SLC30A9: variants seen among roughly 807,000 people sequenced by gnomAD.
The protein encoded by SLC30A9 is proton-coupled zinc antiporter SLC30A9, mitochondrial.
A neutral mutation model predicts 87.5 loss-of-function variants in SLC30A9; 58 were observed. The observed-to-expected ratio is 0.66, with a 90% CI of 0.54 to 0.82. The LOEUF is 0.82. Ranked by LOEUF, SLC30A9 falls within the 40% of genes least tolerant of loss-of-function variation. The pLI is 0.00. For synonymous variants in SLC30A9, 234 were observed against 233.0 expected, an observed-to-expected ratio of 1.00 and a Z score of -0.04; for missense variants, 557 against 679.1, an observed-to-expected ratio of 0.82 and a Z score of 2.00.
intron 1 of SLC30A9, among the ~76,000 whole-genome samples, chr4:41,993,505 TA>T (rs1454789833): frequency 3.3e-5 from 5 of 152,124 alleles, no homozygotes; most frequent in Non-Finnish European, 7.4e-5. Context: ...AAGTGGCCAA[TA>T]AAAATGCAAA....
chr4:42,038,289 C>A (rs1716773915), intron 7 of SLC30A9, among the ~76,000 whole-genome samples: 1 of 151,884 alleles, frequency 6.6e-6, no homozygotes, highest in African/African-American at 2.4e-5. Flanking sequence ...CCTTATTTTT[C>A]TTATTATTTC....
intron 9 of SLC30A9, among the ~76,000 whole-genome samples, chr4:42,053,070 T>C (rs569807177): frequency 6.6e-6 from 1 of 152,238 alleles, no homozygotes; most frequent in East Asian, 1.9e-4. Context: ...GGCAGGTACT[T>C]CACAAATAAG....
chr4:42,037,776 A>G (rs922136363), intron 7 of SLC30A9, among the ~76,000 whole-genome samples: 2 of 152,008 alleles, frequency 1.3e-5, no homozygotes, highest in Non-Finnish European at 1.5e-5. Flanking sequence ...TGATTATGGA[A>G]TTTTTTAATA....
At chr4:41,997,653 C>T (rs971212015) in intron 1 of SLC30A9, among the ~76,000 whole-genome samples, 12 of 151,908 alleles carry the variant, frequency 7.9e-5, no homozygotes, top group South Asian at 2.1e-4. Context: ...AGTTACCTGC[C>T]GTAATTTAAT....
At chr4:42,013,200 G>A (rs1361173499) in intron 2 of SLC30A9, among the ~76,000 whole-genome samples, 1 of 152,114 alleles carries the variant, frequency 6.6e-6, no homozygotes, top group East Asian at 1.9e-4. Flanking sequence ...GATCACTTGA[G>A]CCCAGGAGTT....
In SLC30A9 at chr4:42,022,873, G is replaced by T; in HGVS notation, c.470G>T (p.Ser157Ile). The T allele has an allele frequency of 6.2e-7, 1 of 1,601,994 alleles. No individual in the cohort carries two copies. Among genetic ancestry groups the T allele is most frequent in the Non-Finnish European group, 8.5e-7 (1 of 1,172,870 alleles). ...CAACTTCGAAAAATCAGACGACGAA[G>T]TCCCCATGAAGATACTGAGTCTTTT... ...LEQLRKIRRR[S>I]PHEDTESFTV... The change falls in exon 5 of 18, where the codon AGT becomes ATT. Residue 157 changes from serine to isoleucine, a missense_variant. Physicochemically the swap from Ser to Ile is moderately radical, Grantham distance 142. This residue lies in a region of SLC30A9 where 467 missense variants were observed against 529.8 expected (regional missense o/e 0.88). Coordinates refer to ENST00000264451, the MANE Select transcript of SLC30A9 (RefSeq NM_006345.4).
intron 2 of SLC30A9, among the ~76,000 whole-genome samples, chr4:42,011,743 A>T (rs764580354): frequency 1.3e-5 from 2 of 152,220 alleles, no homozygotes; most frequent in Non-Finnish European, 2.9e-5. Context: ...TGTTCTCAAA[A>T]GGTTAAATGA....
Position 42,031,298 on chromosome 4 carries a change from A to T in SLC30A9, c.611-3977A>T, listed in dbSNP as rs116088624. On this transcript the variant is annotated intron_variant, in intron 6 of 17. Transcript: ENST00000264451. The stretch of plus-strand genomic sequence containing the variant: ...AAAAAACAGAAGACATCTGCAGCAG[A>T]TATATTTTCCAAGCCCAACCTATAG... 2.5e-3 allele frequency among the ~76,000 whole-genome samples: 386 copies of T among 152,198 alleles called. 1 individual carries two copies. Among genetic ancestry groups the T allele is most frequent in the African/African-American group, 8.9e-3 (369 of 41,538 alleles).
At position 42,035,310 on chromosome 4, in the gene SLC30A9, A is replaced by G; in HGVS notation, c.646A>G (p.Arg216Gly). ...FRNQKILREY[R>G]DFLGNTKPRS... ...AAACCAAAAAATATTAAGAGAATAC[A>G]GAGATTTCTTGGGAAATACCAAGGT... is the stretch of plus-strand genomic sequence containing the variant. The change falls in exon 7 of 18, where the codon AGA (arginine) becomes GGA (glycine). Residue 216 changes from arginine to glycine, a missense_variant. Physicochemically the swap from Arg to Gly is moderately radical, Grantham distance 125. This residue lies in a region of SLC30A9 where 467 missense variants were observed against 529.8 expected (regional missense o/e 0.88). Transcript: ENST00000264451. The G allele has an allele frequency of 6.9e-6, 11 of 1,602,740 alleles. No individual in the cohort carries two copies. Among genetic ancestry groups the G allele is most frequent in the Non-Finnish European group, 9.4e-6 (11 of 1,172,084 alleles).
chr4:42,018,329 C>T (rs1173836840), intron 3 of SLC30A9, 159 bp downstream of exon 3: 11 of 847,682 alleles, frequency 1.3e-5, no homozygotes, highest in African/African-American at 5.2e-5. Context: ...TATTCTCTTA[C>T]ATATAAACTA....
chr4:42,013,187 T>C (rs1264144172), intron 2 of SLC30A9, among the ~76,000 whole-genome samples: 2 of 151,974 alleles, frequency 1.3e-5, no homozygotes, highest in Non-Finnish European at 2.9e-5. Flanking sequence ...GAAGCTGAGG[T>C]GGGATCACTT....
chr4:42,023,974 C>G (rs1485439877), intron 6 of SLC30A9, among the ~76,000 whole-genome samples: 1 of 152,144 alleles, frequency 6.6e-6, no homozygotes, highest in East Asian at 1.9e-4. Context: ...TCCCCATGAT[C>G]CAGTCACCTC....
intron 1 of SLC30A9, among the ~76,000 whole-genome samples, chr4:41,993,609 A>G (rs1296959435): frequency 6.6e-6 from 1 of 152,192 alleles, no homozygotes; most frequent in Admixed American, 6.5e-5. Flanking sequence ...ATAATACCCC[A>G]TATTGAGGGT....
intron 9 of SLC30A9, among the ~76,000 whole-genome samples, chr4:42,053,974 A>AG (rs1370278966): frequency 6.6e-6 from 1 of 152,178 alleles, no homozygotes; most frequent in Non-Finnish European, 1.5e-5. Flanking sequence ...AAAGAGGCAC[A>AG]GGGAGCTTTT....
In SLC30A9 at chr4:42,067,076, A is replaced by G; in HGVS notation, c.1145-9A>G. On this transcript the variant is annotated splice_polypyrimidine_tract_variant and intron_variant, in intron 13 of 17. Transcript: ENST00000264451. ...AATTTTCTTGTCTTGTCTCTTCCCC[A>G]ATGACTAGTAATGGAAAGTCGTGAT... 8 of 1,550,702 alleles carry G rather than the reference A, an allele frequency of 5.2e-6. No homozygotes were observed. The highest frequency in any genetic ancestry group is 7.1e-6 in the Non-Finnish European group (8 of 1,123,634).
intron 9 of SLC30A9, among the ~76,000 whole-genome samples, chr4:42,055,569 G>C (rs1717579192): frequency 1.3e-5 from 2 of 152,202 alleles, no homozygotes; most frequent in Admixed American, 6.5e-5. Flanking sequence ...TGTATTTGCA[G>C]TACAGACAGG....
intron 9 of SLC30A9, among the ~76,000 whole-genome samples, chr4:42,057,043 C>T (rs901960560): frequency 6.6e-6 from 1 of 152,220 alleles, no homozygotes; most frequent in African/African-American, 2.4e-5. Context: ...CTCCCACAGC[C>T]ATGGGCAACT....
intron 2 of SLC30A9, among the ~76,000 whole-genome samples, chr4:42,017,764 T>C (rs1427029404): frequency 6.6e-6 from 1 of 152,146 alleles, no homozygotes; most frequent in Non-Finnish European, 1.5e-5. Flanking sequence ...CATTTAAACA[T>C]TCACCATTAA....
chr4:42,085,347 G>T (rs1359897430), intron 17 of SLC30A9, among the ~76,000 whole-genome samples: 1 of 152,210 alleles, frequency 6.6e-6, no homozygotes, highest in African/African-American at 2.4e-5. Context: ...CTGGAGTCAG[G>T]CCTGGAATCA....
Sources: allele counts gnomAD v4.1 joint callset (sites outside exome capture counted in the v4.1 genomes callset), GRCh38; gene constraint gnomAD v4.1.1; regional missense constraint gnomAD v4.1.1; transcripts MANE v1.5; gene names NCBI Gene and HGNC (gene_info 2026-07-23, HGNC 2026-07-21).